RCL1: variants seen among roughly 807,000 people sequenced by gnomAD.
The protein encoded by RCL1 is RNA 3'-terminal phosphate cyclase-like protein.
RCL1 carries 24 observed loss-of-function variants against 42.4 expected under a neutral mutation model. The observed-to-expected ratio is 0.57, with a 90% CI of 0.41 to 0.80. RCL1 has a LOEUF of 0.80. Ranked by LOEUF, RCL1 falls within the 30% of genes least tolerant of loss-of-function variation. RCL1 has a pLI of 0.00. For synonymous variants in RCL1, 228 were observed against 177.3 expected, an observed-to-expected ratio of 1.29 and a Z score of -2.27; for missense variants, 578 against 467.9, an observed-to-expected ratio of 1.24 and a Z score of -2.17.
chr9:4,850,007 G>C (rs575517226), intron 8 of RCL1, among the ~76,000 whole-genome samples: 1 of 152,186 alleles, frequency 6.6e-6, no homozygotes, highest in Non-Finnish European at 1.5e-5. Flanking sequence ...GGACTAGTAG[G>C]GAATTGTAGA....
chr9:4,844,421 C>A, intron 6 of RCL1, 104 bp from the exon 7 acceptor site: 1 of 836,496 alleles, frequency 1.2e-6, no homozygotes, highest in East Asian at 2.6e-5. Context: ...AGCCTTTGAA[C>A]ACAGTGCCGT....
At chr9:4,819,510 A>C (rs1238413741) in intron 1 of RCL1, among the ~76,000 whole-genome samples, 2 of 152,202 alleles carry the variant, frequency 1.3e-5, no homozygotes, top group Non-Finnish European at 2.9e-5. Flanking sequence ...AATGTACACT[A>C]TCTGGTGATG....
intron 1 of RCL1, among the ~76,000 whole-genome samples, chr9:4,820,055 G>A (rs879373972): frequency 6.6e-6 from 1 of 152,190 alleles, no homozygotes; most frequent in African/African-American, 2.4e-5. Context: ...TCTACTGGTA[G>A]CCACTATCCT....
intron 1 of RCL1, among the ~76,000 whole-genome samples, chr9:4,812,834 T>C (rs1018915458): frequency 3.9e-5 from 6 of 152,170 alleles, no homozygotes; most frequent in Admixed American, 3.9e-4. Flanking sequence ...TTTTTAGTTC[T>C]TGTAAATGCG....
intron 1 of RCL1, among the ~76,000 whole-genome samples, chr9:4,812,333 T>G (rs1445374111): frequency 9.5e-6 from 1 of 105,250 alleles, no homozygotes; most frequent in Non-Finnish European, 2.3e-5. Context: ...TACATTTAAG[T>G]CTTTAAGTTC....
chr9:4,852,409 A>G (rs1817783377), intron 8 of RCL1, among the ~76,000 whole-genome samples: 1 of 152,202 alleles, frequency 6.6e-6, no homozygotes, highest in African/African-American at 2.4e-5. Context: ...AGCAAAAATT[A>G]AGATGCATCT....
chr9:4,845,031 C>T (rs185070963), intron 7 of RCL1, among the ~76,000 whole-genome samples: 2 of 152,168 alleles, frequency 1.3e-5, no homozygotes, highest in South Asian at 2.1e-4. Flanking sequence ...TCCCGGCACC[C>T]CCCGATTGCT....
intron 1 of RCL1, among the ~76,000 whole-genome samples, chr9:4,820,660 C>T (rs1816564664): frequency 6.6e-6 from 1 of 152,166 alleles, no homozygotes; most frequent in South Asian, 2.1e-4. Flanking sequence ...TTCCTCTATC[C>T]CATTTAGACA....
intron 3 of RCL1, among the ~76,000 whole-genome samples, chr9:4,828,270 C>G (rs1421252890): frequency 1.3e-5 from 2 of 150,974 alleles, no homozygotes; most frequent in African/African-American, 2.4e-5. Flanking sequence ...TGGATAGCTT[C>G]TGAGGCAGAA....
At chr9:4,847,965 T>G (rs1247097751) in intron 7 of RCL1, among the ~76,000 whole-genome samples, 1 of 152,000 alleles carries the variant, frequency 6.6e-6, no homozygotes, top group Non-Finnish European at 1.5e-5. Context: ...AGGTGACACC[T>G]CCCCCCAGCA....
chr9:4,850,668 G>T (rs529478089), intron 8 of RCL1, among the ~76,000 whole-genome samples: 22 of 152,190 alleles, frequency 1.4e-4, no homozygotes, highest in African/African-American at 5.1e-4. Context: ...ACCTAAAATT[G>T]AGTAATCCTA....
chr9:4,855,217 C>G (rs1172198608), intron 8 of RCL1, among the ~76,000 whole-genome samples: 2 of 152,106 alleles, frequency 1.3e-5, no homozygotes, highest in African/African-American at 4.8e-5. Flanking sequence ...TGCAGATAAT[C>G]ATTCTCTATG....
chr9:4,814,039 G>A lies in RCL1; in HGVS notation c.137-9509G>A, dbSNP rs921784570. 9.2e-5 allele frequency among the ~76,000 whole-genome samples: 14 copies of A among 152,192 alleles called. No homozygotes were observed. In the South Asian group the frequency reaches 1.9e-3, roughly 20 times the overall value. On this transcript the variant is annotated intron_variant, in intron 1 of 8. Transcript: ENST00000381750. Reference sequence around the variant, plus strand: ...AACTTCACACACCGGGGCCTGTCATGGGGTGGGGGGAATGACGAGTTAATG... The same window carrying A: ...AACTTCACACACCGGGGCCTGTCATAGGGTGGGGGGAATGACGAGTTAATG...
intron 1 of RCL1, among the ~76,000 whole-genome samples, chr9:4,806,046 T>TGTGTGTGTGTGTGTGTG (rs1587696264): frequency 8.4e-5 from 6 of 71,256 alleles, no homozygotes; most frequent in South Asian, 4.3e-4. Flanking sequence ...GTGTGTGTGT[T>TGTGTGTGTGTGTGTGTG]TGTGTGTGTG....
intron 8 of RCL1, among the ~76,000 whole-genome samples, chr9:4,850,707 A>G (rs762646090): frequency 3.3e-5 from 5 of 152,082 alleles, no homozygotes; most frequent in Non-Finnish European, 7.4e-5. Flanking sequence ...GTAGTAAACA[A>G]TGCTAAAATA....
At chr9:4,859,464 T>A (rs529331497) in intron 8 of RCL1, among the ~76,000 whole-genome samples, 57 of 152,314 alleles carry the variant, frequency 3.7e-4, no homozygotes, top group Middle Eastern at 3.4e-3. Context: ...TTATTTTTTT[T>A]CATTTGAGTG....
chr9:4,860,030 C>T, intron 8 of RCL1, 95 bp from the exon 9 acceptor site: 1 of 821,214 alleles, frequency 1.2e-6, no homozygotes, highest in Non-Finnish European at 1.8e-6. Context: ...CCCTCTAGGT[C>T]TGGGAGATTA....
At chr9:4,859,924 G>A (rs774152178) in intron 8 of RCL1, among the ~76,000 whole-genome samples, 2 of 152,040 alleles carry the variant, frequency 1.3e-5, no homozygotes, top group Non-Finnish European at 2.9e-5. Context: ...GCTGTATTGC[G>A]TGTATCTCTG....
At chr9:4,818,650 A>T (rs899997082) in intron 1 of RCL1, among the ~76,000 whole-genome samples, 3 of 152,192 alleles carry the variant, frequency 2.0e-5, no homozygotes. Flanking sequence ...TGGGAGGCTG[A>T]GGCAGGCGGA....
Sources: gnomAD v4.1 joint callset for allele counts (sites outside exome capture counted in the v4.1 genomes callset) on GRCh38, gnomAD v4.1.1 for gene constraint, MANE v1.5 for transcripts, NCBI Gene and HGNC (gene_info 2026-07-23, HGNC 2026-07-21) for gene names.